The following SYNE2 variants were observed in gnomAD, a reference collection of about 807,000 sequenced individuals.
SYNE2 encodes spectrin repeat containing nuclear envelope protein 2.
In SYNE2, 431 loss-of-function variants were observed where a neutral mutation model predicts 856.3. That is an observed-to-expected ratio of 0.50 (90% CI 0.47 to 0.55). The LOEUF (loss-of-function observed/expected upper bound fraction) is 0.55, where lower values mean the gene tolerates loss of function less well. SYNE2 is among the 20% of genes least tolerant of loss of function. The pLI is 0.00. For synonymous variants in SYNE2, 2,923 were observed against 2,872.3 expected (o/e 1.02, Z -0.56); for missense variants, 8,129 against 8,023.2 (o/e 1.01, Z -0.50).
At chr14:64,181,035 A>G (rs1034630236) in intron 96 of SYNE2, among the ~76,000 whole-genome samples, 8 of 152,054 alleles carry the variant, frequency 5.3e-5, no homozygotes, top group African/African-American at 1.9e-4. Flanking sequence ...TTGGGTGTCT[A>G]TGAGACCATC....
chr14:63,768,024 TC>T (rs1189813276), intron 1 of SYNE2, among the ~76,000 whole-genome samples: 1 of 151,864 alleles, frequency 6.6e-6, no homozygotes, highest in Non-Finnish European at 1.5e-5. Flanking sequence ...TGAAACCCCG[TC>T]TTAACAAAAA....
At chr14:63,931,559 A>AG (rs1419209372) in intron 2 of SYNE2, among the ~76,000 whole-genome samples, 3 of 151,746 alleles carry the variant, frequency 2.0e-5, no homozygotes, top group African/African-American at 7.3e-5. Context: ...CAAAAAAAAA[A>AG]AAAAAGAAAG....
intron 18 of SYNE2, among the ~76,000 whole-genome samples, chr14:63,984,547 G>T (rs2096610749): frequency 6.6e-6 from 1 of 152,114 alleles, no homozygotes; most frequent in Non-Finnish European, 1.5e-5. Context: ...GTAAAATGGG[G>T]GAAAATATTC....
chr14:63,849,993 C>G (rs1319630380), upstream of SYNE2, among the ~76,000 whole-genome samples: 1 of 151,988 alleles, frequency 6.6e-6, no homozygotes, highest in African/African-American at 2.4e-5. Context: ...TTAGCAAAGT[C>G]TCTCAGGCAG....
intron 52 of SYNE2, among the ~76,000 whole-genome samples, chr14:64,072,731 C>T (rs2097422220): frequency 1.3e-5 from 2 of 152,288 alleles, no homozygotes; most frequent in South Asian, 4.1e-4. Flanking sequence ...GAACGCCTGA[C>T]TTCAGGTCAT....
chr14:63,884,430 T>G (rs775236429), intron 1 of SYNE2, among the ~76,000 whole-genome samples: 53 of 152,114 alleles, frequency 3.5e-4, no homozygotes, highest in Non-Finnish European at 1.8e-4. Context: ...GACTTGATGT[T>G]TGGAACTGGA....
chr14:63,928,468 ATTTG>A, intron 2 of SYNE2, among the ~76,000 whole-genome samples: 1 of 152,086 alleles, frequency 6.6e-6, no homozygotes, highest in Non-Finnish European at 1.5e-5. Context: ...TCTTGGTACT[ATTTG>A]TTTTTGTTTC....
intron 2 of SYNE2, among the ~76,000 whole-genome samples, chr14:63,926,679 A>G (rs1198918224): frequency 3.9e-5 from 6 of 152,232 alleles, no homozygotes; most frequent in Non-Finnish European, 8.8e-5. Flanking sequence ...TAGTAACCCG[A>G]TGAAGTAGAT....
chr14:63,940,798 A>G, intron 3 of SYNE2, 123 bp downstream of exon 3: 1 of 833,090 alleles, frequency 1.2e-6, no homozygotes, highest in South Asian at 1.5e-5. Flanking sequence ...AGGTTGTGGA[A>G]TGTCTTTTCT....
intron 74 of SYNE2, 121 bp from the exon 75 acceptor site, chr14:64,129,661 G>C: frequency 7.1e-7 from 1 of 1,412,588 alleles, no homozygotes; most frequent in Non-Finnish European, 9.7e-7. Flanking sequence ...GAGGGAGCGG[G>C]AGCTGGGATT....
chr14:64,168,786 T>A, intron 92 of SYNE2, 91 bp from the exon 93 acceptor site: 3 of 914,414 alleles, frequency 3.3e-6, no homozygotes, highest in South Asian at 2.8e-5. Context: ...TCATATCCTT[T>A]GTAAGCTTAG....
chr14:64,188,455 G>A lies in SYNE2; in HGVS notation c.17713-95G>A. On this transcript the variant is annotated intron_variant, in intron 97 of 115. Transcript: ENST00000555002. ...ACAAGGTTGAGTGCGGAGAGCTACT[G>A]ATTAAAATGAATGAAACTCAGTTTT... 6 of 1,416,070 alleles carry A rather than the reference G, an allele frequency of 4.2e-6. No homozygotes were observed. The South Asian group carries it at 4.6e-5, about 11-fold the overall frequency. 87.7% of individuals were successfully genotyped at this position (1,416,070 alleles called of 1,614,324 possible).
chr14:63,806,945 C>A (rs1001748886), intron 1 of SYNE2, among the ~76,000 whole-genome samples: 1 of 151,518 alleles, frequency 6.6e-6, no homozygotes, highest in Non-Finnish European at 1.5e-5. Context: ...AAACTCCTGG[C>A]CTCAAGTGAT....
rs1596333295 is a variant in SYNE2, at chr14:64,224,600, C to G, written c.20469+53C>G. 2.3e-5 allele frequency: 36 copies of G among 1,598,692 alleles called. No individual in the cohort carries two copies. In the East Asian group the frequency reaches 7.8e-4, roughly 35 times the overall value. On this transcript the variant is annotated intron_variant, in intron 114 of 115. Transcript: ENST00000555002. ...CCTCACTGGTTATTTTTTAAAGTCA[C>G]TAAGATGAGGGAAGCTTGGGATTCC...
Position 64,220,608 on chromosome 14 carries a change from G to C in SYNE2, c.20032G>C (p.Gly6678Arg). ...GGGCGCAGTGGACAGCTGGAGAGGG[G>C]GCTTACGACAGTCGCTCATGCAGTG... ...AQGAVDSWRG[G>R]LRQSLMQCQD... The change falls in exon 111 of 116, where the codon GGC (glycine) becomes CGC (arginine). Residue 6678 changes from glycine (G) to arginine (R), a missense_variant. By Grantham distance (125) the Gly-to-Arg change is moderately radical (BLOSUM62 -2). Transcript: ENST00000555002. The C allele has an allele frequency of 2.5e-6, 4 of 1,614,054 alleles. No individual in the cohort carries two copies. The highest frequency in any genetic ancestry group is 3.4e-6 in the Non-Finnish European group (4 of 1,180,018).
intron 10 of SYNE2, among the ~76,000 whole-genome samples, chr14:63,964,618 A>G (rs2096365777): frequency 6.6e-6 from 1 of 152,016 alleles, no homozygotes; most frequent in African/African-American, 2.4e-5. Flanking sequence ...GCCACCTCCC[A>G]GGTTCAAGCA....
intron 64 of SYNE2, among the ~76,000 whole-genome samples, chr14:64,104,047 G>C (rs540199679): frequency 6.6e-6 from 1 of 152,304 alleles, no homozygotes; most frequent in Admixed American, 6.5e-5. Context: ...ACTCAGCTCA[G>C]TATGGTACTT....
intron 27 of SYNE2, among the ~76,000 whole-genome samples, chr14:63,999,518 T>C (rs2096738107): frequency 6.6e-6 from 1 of 152,220 alleles, no homozygotes; most frequent in African/African-American, 2.4e-5. Flanking sequence ...ATGTTGGGCA[T>C]TTAGGGCACT....
intron 45 of SYNE2, among the ~76,000 whole-genome samples, chr14:64,034,770 G>A (rs2097072920): frequency 6.6e-6 from 1 of 151,988 alleles, no homozygotes; most frequent in Non-Finnish European, 1.5e-5. Flanking sequence ...ATATGGGTAG[G>A]CAGAAGTACC....
Sources: gnomAD v4.1 joint callset for allele counts (sites outside exome capture counted in the v4.1 genomes callset) on GRCh38, gnomAD v4.1.1 for gene constraint, MANE v1.5 for transcripts, NCBI Gene and HGNC (gene_info 2026-07-23, HGNC 2026-07-21) for gene names.